The following MYBPC1 variants were observed in gnomAD, a reference collection of about 807,000 sequenced individuals.
MYBPC1 encodes the protein myosin binding protein C1.
Under a neutral mutation model 147.1 loss-of-function variants are expected in MYBPC1, and 52 were observed. The observed-to-expected ratio is 0.35, with a 90% CI of 0.28 to 0.45. The LOEUF (loss-of-function observed/expected upper bound fraction) is 0.45. MYBPC1 is among the 20% of genes least tolerant of loss of function. MYBPC1 has a pLI of 1.00. For missense variants in MYBPC1, 1,228 were observed against 1,440.3 expected, an observed-to-expected ratio of 0.85 and a Z score of 2.39; for synonymous variants, 477 against 475.9, an observed-to-expected ratio of 1.00 and a Z score of -0.03.
At chr12:101,627,932 A>G in intron 5 of MYBPC1, 128 bp downstream of exon 5, 3 of 1,089,204 alleles carry the variant, frequency 2.8e-6, no homozygotes, top group Non-Finnish European at 4.2e-6. Context: ...GCAATCTTTC[A>G]TTACGTTTCC....
chr12:101,678,045 A>G, intron 27 of MYBPC1, 57 bp from the exon 28 acceptor site: 2 of 1,568,546 alleles, frequency 1.3e-6, no homozygotes, highest in Non-Finnish European at 1.8e-6. Flanking sequence ...GCCACCAATA[A>G]TATATTCTCA....
chr12:101,597,042 AC>A (rs1877538178), intron 1 of MYBPC1, among the ~76,000 whole-genome samples: 5 of 152,234 alleles, frequency 3.3e-5, no homozygotes, highest in Non-Finnish European at 5.9e-5. Flanking sequence ...AAGGAACTGT[AC>A]CTTGAAAAGC....
intron 1 of MYBPC1, among the ~76,000 whole-genome samples, chr12:101,602,065 G>A (rs562642323): frequency 8.3e-4 from 126 of 152,212 alleles, no homozygotes; most frequent in Non-Finnish European, 4.3e-4. Flanking sequence ...GAACATTCTA[G>A]ACAGCTCAAA....
chr12:101,627,188 C>T (rs1888797491), intron 4 of MYBPC1, among the ~76,000 whole-genome samples: 1 of 152,084 alleles, frequency 6.6e-6, no homozygotes, highest in African/African-American at 2.4e-5. Context: ...TTCCATTTCT[C>T]ACTATATATC....
At chr12:101,608,892 C>A (rs960527281) in intron 1 of MYBPC1, among the ~76,000 whole-genome samples, 2 of 152,020 alleles carry the variant, frequency 1.3e-5, no homozygotes, top group African/African-American at 2.4e-5. Flanking sequence ...GGGAGGGGAA[C>A]CAATGAAAGA....
chr12:101,623,437 G>A (rs1452127410), intron 3 of MYBPC1, among the ~76,000 whole-genome samples: 1 of 152,150 alleles, frequency 6.6e-6, no homozygotes. Context: ...ATATTATGAT[G>A]TATCAATCAA....
At chr12:101,668,338 G>A (rs1194184677) in intron 23 of MYBPC1, among the ~76,000 whole-genome samples, 1 of 152,164 alleles carries the variant, frequency 6.6e-6, no homozygotes, top group East Asian at 1.9e-4. Context: ...ATGAAGGTGA[G>A]TAAAACTGTT....
intron 22 of MYBPC1, among the ~76,000 whole-genome samples, chr12:101,665,491 G>A (rs1565986434): frequency 6.6e-6 from 1 of 151,842 alleles, no homozygotes; most frequent in East Asian, 1.9e-4. Context: ...TTTTTGTTTT[G>A]TTATTATTTT....
the MYBPC1 span, among the ~76,000 whole-genome samples, chr12:101,695,669 A>C: frequency 6.6e-6 from 1 of 152,116 alleles, no homozygotes; most frequent in Non-Finnish European, 1.5e-5. Context: ...GAGCTTCACC[A>C]GCCATTCTGA....
chr12:101,597,448 A>AGCACCTGAAGGTAC (rs1339232581), intron 1 of MYBPC1, among the ~76,000 whole-genome samples: 1 of 152,228 alleles, frequency 6.6e-6, no homozygotes, highest in Admixed American at 6.5e-5. Context: ...CTGAGTTTTC[A>AGCACCTGAAGGTAC]GCACCTGAAG....
At chr12:101,641,217 C>A (rs1283490838) in intron 10 of MYBPC1, among the ~76,000 whole-genome samples, 1 of 151,420 alleles carries the variant, frequency 6.6e-6, no homozygotes, top group Non-Finnish European at 1.5e-5. Flanking sequence ...AGCATGAATT[C>A]ATTTTCACAC....
Position 101,636,676 on chromosome 12 carries a change from GA to G in MYBPC1, c.615del (p.Gly206ValfsTer14). The G allele has an allele frequency of 1.2e-6, 2 of 1,613,624 alleles. No individual in the cohort carries two copies. Among genetic ancestry groups the G allele is most frequent in the Non-Finnish European group, 1.7e-6 (2 of 1,179,582 alleles). On this transcript the variant is annotated frameshift_variant, in exon 10 of 32. Coordinates refer to ENST00000361466, the MANE Select transcript of MYBPC1 (RefSeq NM_002465.4). LOFTEE classifies it high-confidence loss of function. ...CTTTTCTTTTGTTAACGACAGTGGA[GA>G]AGGTCAAGAGGATGCAGGAGAACTT... ...DIRSAFKRSG[E>X]GQEDAGELDF...
chr12:101,637,148 G>A (rs1218928923), intron 10 of MYBPC1: 5 of 93,942 alleles, frequency 5.3e-5, no homozygotes, highest in Non-Finnish European at 1.1e-4. Flanking sequence ...AGACACCACT[G>A]CTATTAAGAT....
chr12:101,619,795 G>A (rs1160711587), intron 3 of MYBPC1, among the ~76,000 whole-genome samples: 2 of 152,038 alleles, frequency 1.3e-5, no homozygotes, highest in Admixed American at 6.6e-5. Context: ...TCAATTAATT[G>A]CTCCAAATCT....
chr12:101,668,617 C>T (rs1049521880), intron 23 of MYBPC1, among the ~76,000 whole-genome samples: 6 of 152,024 alleles, frequency 3.9e-5, no homozygotes, highest in South Asian at 2.1e-4. Context: ...TGCACCACTA[C>T]GCCTGGCTAA....
intron 3 of MYBPC1, among the ~76,000 whole-genome samples, chr12:101,624,010 T>A (rs1219311883): frequency 6.6e-6 from 1 of 152,134 alleles, no homozygotes; most frequent in African/African-American, 2.4e-5. Flanking sequence ...AACGACCATA[T>A]CATTTCTTGT....
rs765292196 is a variant in MYBPC1, at chr12:101,644,762, T to C, written c.931T>C (p.Tyr311His). ...LADPKLEVKW[Y>H]KNGQEIRPST... ...AGATCCAAAGTTGGAGGTGAAATGGTATAAAAATGGTCAAGAAATTCGACC... is the reference window on the plus strand; with the variant it reads ...AGATCCAAAGTTGGAGGTGAAATGGCATAAAAATGGTCAAGAAATTCGACC... Residue 311 changes from tyrosine to histidine, a missense_variant, in exon 12 of 32, where the codon TAT becomes CAT. Around this residue, in one of 2 missense-constraint regions of MYBPC1, gnomAD observed 1,077 missense variants for 1,314.2 expected, o/e 0.82. Transcript: ENST00000361466. 1 of 1,614,086 alleles carries C rather than the reference T, an allele frequency of 6.2e-7. No individual in the cohort carries two copies. The highest frequency in any genetic ancestry group is 1.7e-5 in the Admixed American group (1 of 60,026).
Position 101,663,025 on chromosome 12 carries a change from C to CA in MYBPC1, c.2222-391dup, listed in dbSNP as rs879850545. ...ATCAAAAAAGTTAGTTCAGTGAAGG[C>CA]AAAAAAAAAAGATATCTCCATTATT... On this transcript the variant is annotated intron_variant, in intron 21 of 31. Transcript: ENST00000361466. Among the ~76,000 whole-genome samples, 761 of 141,128 alleles carry CA rather than the reference C, an allele frequency of 5.4e-3. 4 individuals are homozygous for CA. The highest frequency in any genetic ancestry group is 0.018 in the African/African-American group (688 of 38,266). 92.6% of individuals were successfully genotyped at this position (141,128 alleles called of 152,430 possible). A position where few individuals can be genotyped will look rare whatever the true frequency, so the allele number is the denominator to read the frequency against.
chr12:101,620,237 G>T (rs1887066034), intron 3 of MYBPC1, among the ~76,000 whole-genome samples: 1 of 152,200 alleles, frequency 6.6e-6, no homozygotes. Flanking sequence ...AATCATACCA[G>T]GAGGCAATGC....
Sources: gnomAD v4.1 joint callset for allele counts (sites outside exome capture counted in the v4.1 genomes callset) on GRCh38, gnomAD v4.1.1 for gene constraint, gnomAD v4.1.1 regional missense constraint, MANE v1.5 for transcripts, NCBI Gene and HGNC (gene_info 2026-07-23, HGNC 2026-07-21) for gene names.